PDE12: variants seen among roughly 807,000 people sequenced by gnomAD.
PDE12 encodes the protein 2',5'-phosphodiesterase 12.
A neutral mutation model predicts 45.4 loss-of-function variants in PDE12; 26 were observed. The observed-to-expected ratio is 0.57, with a 90% CI of 0.42 to 0.79. The LOEUF is 0.79. Among genes scored for constraint, PDE12 ranks in the 30% least tolerant of loss-of-function variants. PDE12 has a pLI of 0.00. For synonymous variants in PDE12, 283 were observed against 323.9 expected, an observed-to-expected ratio of 0.87 and a Z score of 1.36; for missense variants, 668 against 790.0, an observed-to-expected ratio of 0.85 and a Z score of 1.85.
At chr3:57,606,181 G>T in the PDE12 span, among the ~76,000 whole-genome samples, 1 of 152,134 alleles carries the variant, frequency 6.6e-6, no homozygotes, top group Non-Finnish European at 1.5e-5. Flanking sequence ...ATATCAAAGT[G>T]TATTGCTATC....
In PDE12 at chr3:57,557,125, A is replaced by G. The variant is rs1404537354; in HGVS notation, c.746A>G (p.His249Arg). ...GACATCGGGCTAAGGCTCAAGCTTCACTGCACCCCAGGCGATGGGCAGCGC... is the reference window on the plus strand; with the variant it reads ...GACATCGGGCTAAGGCTCAAGCTTCGCTGCACCCCAGGCGATGGGCAGCGC... The part of the protein sequence containing the change: ...NADIGLRLKL[H>R]CTPGDGQRFG... The change falls in exon 1 of 3, where the codon CAC becomes CGC. Residue 249 changes from histidine (H) to arginine (R), a missense_variant. His to Arg is a conservative substitution (Grantham distance 29). Transcript: ENST00000311180. 1 of 1,613,974 alleles carries G rather than the reference A, an allele frequency of 6.2e-7. No individual in the cohort carries two copies. The highest frequency in any genetic ancestry group is 8.5e-7 in the Non-Finnish European group (1 of 1,180,006).
At chr3:57,626,592 C>G in the PDE12 span, 25 of 152,310 alleles carry the variant, frequency 1.6e-4, no homozygotes, top group African/African-American at 5.8e-4. Flanking sequence ...ACCTGTAATC[C>G]CAGCTACTCA....
chr3:57,597,931 C>T, the PDE12 span: 1 of 152,190 alleles, frequency 6.6e-6, no homozygotes, highest in African/African-American at 2.4e-5. Flanking sequence ...AACTGTGGCA[C>T]CCTAATGAGC....
chr3:57,597,239 G>A, the PDE12 span: 2 of 1,185,016 alleles, frequency 1.7e-6, no homozygotes, highest in South Asian at 1.3e-5. Flanking sequence ...CGAGAGGGAA[G>A]AGAAAGAGCG....
the PDE12 span, among the ~76,000 whole-genome samples, chr3:57,617,152 C>T: frequency 1.3e-5 from 2 of 152,076 alleles, no homozygotes; most frequent in Middle Eastern, 3.2e-3. Flanking sequence ...TGTCTGCGAT[C>T]CTTGCTCTTT....
chr3:57,561,544 G>C lies in PDE12; in HGVS notation c.*1540G>C. ...GTGGTAACCATGCTTTACTAATTCAGTTATGAAATACATTATTTATAATGC... is the reference window on the plus strand; with the variant it reads ...GTGGTAACCATGCTTTACTAATTCACTTATGAAATACATTATTTATAATGC... On this transcript the variant is annotated 3_prime_UTR_variant, in exon 3 of 3. Transcript: ENST00000311180. 1.0e-6 allele frequency: 1 copy of C among 983,974 alleles called. No homozygotes were observed. Among genetic ancestry groups the C allele is most frequent in the South Asian group, 4.7e-5 (1 of 21,254 alleles). 61.0% of individuals were successfully genotyped at this position (983,974 alleles called of 1,614,324 possible).
chr3:57,556,366 A>G lies in PDE12; in HGVS notation c.-14A>G. On this transcript the variant is annotated 5_prime_UTR_variant, in exon 1 of 3. Transcript: ENST00000311180. The surrounding 1 kb of genome is among the most constrained non-coding windows in gnomAD (Gnocchi z 5.0). ...TCGGCCGCGGGTCTTGTCGACCGCT[A>G]GGCCACCAGGTTCATGTGGAGGCTC... The G allele has an allele frequency of 1.9e-6, 3 of 1,549,150 alleles. No homozygotes were observed. Among genetic ancestry groups the G allele is most frequent in the Non-Finnish European group, 2.6e-6 (3 of 1,146,876 alleles).
At chr3:57,649,711 C>G in the PDE12 span, among the ~76,000 whole-genome samples, 1 of 151,236 alleles carries the variant, frequency 6.6e-6, no homozygotes, top group African/African-American at 2.4e-5. Flanking sequence ...TTCTCATCTC[C>G]CCTGGGCCCT....
the PDE12 span, among the ~76,000 whole-genome samples, chr3:57,591,018 G>C: frequency 2.0e-5 from 3 of 152,050 alleles, no homozygotes; most frequent in Admixed American, 1.3e-4. Context: ...TTTCAGATGA[G>C]ACATTTAATG....
the PDE12 span, among the ~76,000 whole-genome samples, chr3:57,617,751 C>T: frequency 6.6e-6 from 1 of 151,802 alleles, no homozygotes; most frequent in South Asian, 2.1e-4. Context: ...CCTGTGGTCC[C>T]AGCTACCAGG....
chr3:57,585,008 C>T, the PDE12 span, among the ~76,000 whole-genome samples: 2 of 151,988 alleles, frequency 1.3e-5, no homozygotes, highest in Admixed American at 6.6e-5. Context: ...GGACTACAGG[C>T]GCCCACCACC....
the PDE12 span, chr3:57,645,840 G>C: frequency 1.1e-6 from 1 of 931,748 alleles, no homozygotes; most frequent in Admixed American, 2.4e-5. Flanking sequence ...TATACAAACG[G>C]TATACACACA....
At chr3:57,642,435 G>GT in the PDE12 span, among the ~76,000 whole-genome samples, 1 of 151,936 alleles carries the variant, frequency 6.6e-6, no homozygotes. Context: ...ATGAGTGGGC[G>GT]TTTTTTGCCA....
chr3:57,629,524 T>C, the PDE12 span, among the ~76,000 whole-genome samples: 1 of 146,276 alleles, frequency 6.8e-6, no homozygotes, highest in Non-Finnish European at 1.5e-5. Flanking sequence ...TTTTTTTTTT[T>C]TTTTTGAGAC....
the PDE12 span, among the ~76,000 whole-genome samples, chr3:57,647,012 T>A: frequency 6.6e-6 from 1 of 152,214 alleles, no homozygotes; most frequent in Non-Finnish European, 1.5e-5. Flanking sequence ...GACACAACTC[T>A]GCTAGTATGT....
the PDE12 span, among the ~76,000 whole-genome samples, chr3:57,617,959 A>G: frequency 6.6e-6 from 1 of 152,210 alleles, no homozygotes; most frequent in East Asian, 1.9e-4. Flanking sequence ...CCCATAAAAA[A>G]GAACAAAATC....
the PDE12 span, chr3:57,597,088 A>C: frequency 6.2e-7 from 1 of 1,614,100 alleles, no homozygotes; most frequent in Non-Finnish European, 8.5e-7. Context: ...CAAAATGCGC[A>C]TCTGCTTCTT....
the PDE12 span, among the ~76,000 whole-genome samples, chr3:57,652,493 C>T: frequency 1.3e-5 from 2 of 152,196 alleles, no homozygotes; most frequent in African/African-American, 4.8e-5. Flanking sequence ...GAACTACCCA[C>T]CTAAGCAGCT....
chr3:57,632,209 C>T, the PDE12 span, among the ~76,000 whole-genome samples: 4 of 129,002 alleles, frequency 3.1e-5, no homozygotes, highest in East Asian at 7.3e-4. Context: ...TTAGTAGAGA[C>T]GAGACGGGGT....
Sources: gnomAD v4.1 joint callset for allele counts (sites outside exome capture counted in the v4.1 genomes callset) on GRCh38, gnomAD v4.1.1 for gene constraint, Gnocchi (gnomAD v3.1) non-coding constraint, MANE v1.5 for transcripts, NCBI Gene and HGNC (gene_info 2026-07-23, HGNC 2026-07-21) for gene names.